MAML3: variants seen among roughly 807,000 people sequenced by gnomAD.
The protein encoded by MAML3 is mastermind-like protein 3.
Under a neutral mutation model 101.9 loss-of-function variants are expected in MAML3, and 27 were observed. The ratio of observed to expected loss-of-function variants is 0.27; its 90% CI spans 0.20 to 0.37. The LOEUF is 0.37. Ranked by LOEUF, MAML3 falls within the 10% of genes least tolerant of loss-of-function variation. MAML3 has a pLI of 1.00. For synonymous variants in MAML3, 501 were observed against 555.9 expected (o/e 0.90, Z 1.39); for missense variants, 1,316 against 1,444.9 (o/e 0.91, Z 1.45).
intron 1 of MAML3, among the ~76,000 whole-genome samples, chr4:140,058,695 T>G (rs1727395197): frequency 6.6e-6 from 1 of 152,168 alleles, no homozygotes; most frequent in African/African-American, 2.4e-5. Context: ...CTTTCTGGTA[T>G]TCCCATTATT....
At chr4:140,043,289 G>A (rs1219323857) in intron 1 of MAML3, among the ~76,000 whole-genome samples, 6 of 152,088 alleles carry the variant, frequency 3.9e-5, no homozygotes, top group African/African-American at 1.4e-4. Context: ...CTACGGCTCT[G>A]TTCACCTCTT....
At chr4:140,051,744 C>T (rs1208360876) in intron 1 of MAML3, among the ~76,000 whole-genome samples, 3 of 152,166 alleles carry the variant, frequency 2.0e-5, no homozygotes, top group Non-Finnish European at 2.9e-5. Flanking sequence ...TTATTCCCAA[C>T]CATTCTACTT....
chr4:140,019,806 C>T (rs573620652), intron 1 of MAML3, among the ~76,000 whole-genome samples: 18 of 152,230 alleles, frequency 1.2e-4, no homozygotes, highest in Non-Finnish European at 1.8e-4. Flanking sequence ...GTGTTTTGGG[C>T]GAAGTTGGTA....
rs555778905 is a variant in MAML3 at position 140,119,345 on chromosome 4, C to T, written c.468+33515G>A. 2.6e-5 allele frequency among the ~76,000 whole-genome samples: 4 copies of T among 152,260 alleles called. No individual in the cohort carries two copies. The East Asian group carries it at 7.7e-4, about 29-fold the overall frequency. On this transcript the variant is annotated intron_variant, in intron 1 of 4. Transcript: ENST00000509479. Reference sequence around the variant, plus strand: ...GGCATGAAAGGAACCCAGATTCAGCCATTAAAGTCTTACATTAGACAGAAA... The same window carrying T: ...GGCATGAAAGGAACCCAGATTCAGCTATTAAAGTCTTACATTAGACAGAAA...
At chr4:140,093,686 C>T (rs1326430801) in intron 1 of MAML3, among the ~76,000 whole-genome samples, 1 of 152,062 alleles carries the variant, frequency 6.6e-6, no homozygotes, top group Non-Finnish European at 1.5e-5. Flanking sequence ...TCTCGGCCGC[C>T]CAAAGTGCTG....
At chr4:140,043,041 C>CA (rs1727114234) in intron 1 of MAML3, among the ~76,000 whole-genome samples, 1 of 151,810 alleles carries the variant, frequency 6.6e-6, no homozygotes, top group South Asian at 2.1e-4. Context: ...AAACAAAAAA[C>CA]AAAAAACAGG....
chr4:140,010,115 A>G (rs1355331472), intron 1 of MAML3, among the ~76,000 whole-genome samples: 3 of 152,198 alleles, frequency 2.0e-5, no homozygotes, highest in Admixed American at 6.5e-5. Context: ...CAAATCTACA[A>G]CATAAAGTGA....
Position 139,977,295 on chromosome 4 carries a change from C to T in MAML3, c.469-86328G>A, listed in dbSNP as rs149354367. 3.5e-4 allele frequency among the ~76,000 whole-genome samples: 54 copies of T among 152,138 alleles called. No homozygotes were observed. The East Asian group carries it at 7.7e-3, about 22-fold the overall frequency. Reference sequence around the variant, plus strand: ...GGATGCTGCTGAACATCCCAGAGTACGCAGGACGGCCCCCGCCACAGAGAA... The same window carrying T: ...GGATGCTGCTGAACATCCCAGAGTATGCAGGACGGCCCCCGCCACAGAGAA... On this transcript the variant is annotated intron_variant, in intron 1 of 4. Transcript: ENST00000509479.
At chr4:140,102,820 T>C (rs1462600976) in intron 1 of MAML3, among the ~76,000 whole-genome samples, 2 of 152,242 alleles carry the variant, frequency 1.3e-5, no homozygotes, top group South Asian at 2.1e-4. Flanking sequence ...CCTCAGTCTA[T>C]GTCCAGAGAA....
chr4:139,755,355 C>T (rs1729623286), intron 2 of MAML3, among the ~76,000 whole-genome samples: 1 of 152,198 alleles, frequency 6.6e-6, no homozygotes, highest in South Asian at 2.1e-4. Flanking sequence ...GTAATCCCAG[C>T]ACAGGCGTGC....
At chr4:139,864,589 T>C (rs751536291) in intron 2 of MAML3, among the ~76,000 whole-genome samples, 2 of 140,978 alleles carry the variant, frequency 1.4e-5, no homozygotes, top group East Asian at 4.2e-4. Flanking sequence ...GGCAGGAGAA[T>C]TGCTTGAACC....
chr4:139,878,653 G>C (rs1732160554), intron 2 of MAML3, among the ~76,000 whole-genome samples: 1 of 152,176 alleles, frequency 6.6e-6, no homozygotes, highest in Non-Finnish European at 1.5e-5. Context: ...GAATCTAAGA[G>C]TCTGGAAATG....
At chr4:139,889,004 C>T (rs186303611) in intron 2 of MAML3, among the ~76,000 whole-genome samples, 2 of 152,284 alleles carry the variant, frequency 1.3e-5, no homozygotes, top group East Asian at 3.9e-4. Context: ...AGCCTGGGAT[C>T]ATGCAAGCTG....
In MAML3 at chr4:139,718,724, G is replaced by T. The variant is rs889232641; in HGVS notation, c.*599C>A. ...AGACAGACAGTCCTGTAGGATCTGT[G>T]GTTGTCTCCTTTTGACAATCTCACT... On this transcript the variant is annotated 3_prime_UTR_variant, in exon 5 of 5. Coordinates refer to ENST00000509479, the MANE Select transcript of MAML3 (RefSeq NM_018717.5). 3 of 153,214 alleles carry T rather than the reference G, an allele frequency of 2.0e-5. No individual in the cohort carries two copies. Among genetic ancestry groups the T allele is most frequent in the African/African-American group, 7.2e-5 (3 of 41,444 alleles). The allele number at this position is 153,214 out of a possible 1,614,324, so 9.5% of individuals were successfully genotyped here. A position where few individuals can be genotyped will look rare whatever the true frequency, so the allele number is the denominator to read the frequency against.
intron 1 of MAML3, among the ~76,000 whole-genome samples, chr4:140,009,663 T>A (rs575887776): frequency 6.6e-6 from 1 of 152,222 alleles, no homozygotes; most frequent in African/African-American, 2.4e-5. Context: ...TTTAATTGCA[T>A]TGATTTAATT....
intron 1 of MAML3, among the ~76,000 whole-genome samples, chr4:140,046,600 A>G (rs1727186634): frequency 1.3e-5 from 2 of 152,200 alleles, no homozygotes; most frequent in South Asian, 4.1e-4. Context: ...TTACGTAACA[A>G]TTCAACAGGC....
intron 2 of MAML3, among the ~76,000 whole-genome samples, chr4:139,865,715 GT>G (rs1344765714): frequency 5.9e-5 from 9 of 152,268 alleles, no homozygotes; most frequent in Admixed American, 1.3e-4. Flanking sequence ...CCTTTCTGCA[GT>G]TACGCCTTAG....
At chr4:139,818,531 T>G (rs1730926645) in intron 2 of MAML3, among the ~76,000 whole-genome samples, 1 of 152,210 alleles carries the variant, frequency 6.6e-6, no homozygotes, top group Non-Finnish European at 1.5e-5. Flanking sequence ...ACTATTTTAC[T>G]TAGGAGAAGT....
intron 1 of MAML3, among the ~76,000 whole-genome samples, chr4:140,149,033 G>C (rs1036434426): frequency 6.6e-6 from 1 of 152,132 alleles, no homozygotes; most frequent in Non-Finnish European, 1.5e-5. Context: ...TTTTTGATGT[G>C]CCTGCTCAGC....
Sources: allele counts gnomAD v4.1 joint callset (sites outside exome capture counted in the v4.1 genomes callset), GRCh38; gene constraint gnomAD v4.1.1; transcripts MANE v1.5; gene names NCBI Gene and HGNC (gene_info 2026-07-23, HGNC 2026-07-21).